The following NFE2L3 variants were observed in gnomAD, a reference collection of about 807,000 sequenced individuals.
The protein encoded by NFE2L3 is NFE2 like bZIP transcription factor 3.
In NFE2L3, 18 loss-of-function variants were observed where a neutral mutation model predicts 23.5. That is an observed-to-expected ratio of 0.77 (90% CI 0.53 to 1.13). The LOEUF (loss-of-function observed/expected upper bound fraction) is 1.13, where lower values mean the gene tolerates loss of function less well. NFE2L3 is among the 50% of genes most tolerant of loss of function. NFE2L3 has a pLI of 0.00. For synonymous variants in NFE2L3, 424 were observed against 354.5 expected (o/e 1.20, Z -2.20); for missense variants, 1,152 against 877.2 (o/e 1.31, Z -3.96).
chr7:26,159,558 A>C (rs959184552), intron 1 of NFE2L3, among the ~76,000 whole-genome samples: 1 of 152,190 alleles, frequency 6.6e-6, no homozygotes, highest in African/African-American at 2.4e-5. Flanking sequence ...AGCACTTATC[A>C]TTCATGACAT....
intron 2 of NFE2L3, among the ~76,000 whole-genome samples, chr7:26,179,320 G>T (rs1448908031): frequency 1.3e-5 from 2 of 151,932 alleles, no homozygotes; most frequent in Non-Finnish European, 2.9e-5. Context: ...GGGCAACATG[G>T]CAAAACCCCA....
At chr7:26,171,594 C>T (rs1784328814) in intron 1 of NFE2L3, among the ~76,000 whole-genome samples, 3 of 151,890 alleles carry the variant, frequency 2.0e-5, no homozygotes, top group African/African-American at 7.3e-5. Flanking sequence ...TGGTAAGAGG[C>T]AAATGAGTAT....
At chr7:26,179,699 C>G (rs188785508) in intron 2 of NFE2L3, among the ~76,000 whole-genome samples, 1 of 152,026 alleles carries the variant, frequency 6.6e-6, no homozygotes, top group Non-Finnish European at 1.5e-5. Context: ...GAGCAGGACC[C>G]TGTCTCAAAA....
chr7:26,160,380 A>G (rs1185002373), intron 1 of NFE2L3, among the ~76,000 whole-genome samples: 1 of 152,210 alleles, frequency 6.6e-6, no homozygotes, highest in Admixed American at 6.5e-5. Flanking sequence ...CAAGTCACAG[A>G]GGCAAGACGT....
chr7:26,183,249 C>T (rs751868908), intron 2 of NFE2L3, among the ~76,000 whole-genome samples: 9 of 151,948 alleles, frequency 5.9e-5, no homozygotes, highest in Non-Finnish European at 1.2e-4. Context: ...ATACTGAGTA[C>T]CATAATCAGA....
chr7:26,184,112 C>CAAT (rs762748448), intron 3 of NFE2L3: 65 of 372,930 alleles, frequency 1.7e-4, no homozygotes, highest in Non-Finnish European at 2.8e-4. Context: ...GCAATATTCA[C>CAAT]AATAGCCTTG....
At chr7:26,155,261 G>A (rs1041240929) in intron 1 of NFE2L3, among the ~76,000 whole-genome samples, 8 of 152,086 alleles carry the variant, frequency 5.3e-5, no homozygotes, top group African/African-American at 1.9e-4. Context: ...TGGGCAACAT[G>A]GTGAACCCCA....
chr7:26,184,846 A>G lies in NFE2L3; in HGVS notation c.1148A>G (p.Asp383Gly), dbSNP rs781466431. Residue 383 changes from aspartate (D) to glycine (G), a missense_variant, in exon 4 of 4, where the codon GAC becomes GGC. By Grantham distance (94) the Asp-to-Gly change is moderately conservative. Coordinates refer to ENST00000056233, the MANE Select transcript of NFE2L3 (RefSeq NM_004289.7). ...CTAACAAGCCAAGACCTACTGTATG[A>G]CCTTGACATAAATATATTTGATGAG... is the stretch of plus-strand genomic sequence containing the variant. ...RNLTSQDLLY[D>G]LDINIFDEIN... 81 of 1,613,852 alleles carry G rather than the reference A, an allele frequency of 5.0e-5. No homozygotes were observed. In the East Asian group the frequency reaches 1.1e-3, roughly 22 times the overall value.
chr7:26,169,850 C>T (rs1173019707), intron 1 of NFE2L3, among the ~76,000 whole-genome samples: 1 of 152,154 alleles, frequency 6.6e-6, no homozygotes, highest in Admixed American at 6.6e-5. Flanking sequence ...GTAATCCCGG[C>T]CCTTTGGGAG....
At chr7:26,176,959 C>T (rs1301911006) in intron 1 of NFE2L3, among the ~76,000 whole-genome samples, 9 of 66,210 alleles carry the variant, frequency 1.4e-4, no homozygotes, top group East Asian at 8.0e-4. Context: ...ACTTCCTAGA[C>T]GGGGTGGCAG....
chr7:26,152,981 G>A lies in NFE2L3; in HGVS notation c.483G>A (p.Arg161=). 6.6e-7 allele frequency: 1 copy of A among 1,512,990 alleles called. No homozygotes were observed. The highest frequency in any genetic ancestry group is 2.7e-5 in the East Asian group (1 of 37,172). The allele number at this position is 1,512,990 out of a possible 1,614,324, so 93.7% of individuals were successfully genotyped here. Residue 161 remains arginine (R), a synonymous_variant, in exon 1 of 4, where the codon CGG becomes CGA. Transcript: ENST00000056233. This position sits in a 1 kb window ranked among gnomAD's most constrained non-coding sequence, Gnocchi z 4.4. ...QGGGGDPRAA[R]SGPLDAGEEE... ...GCGGCGGGGACCCCCGAGCGGCTCG[G>A]AGTGGCCCCTTGGACGCCGGGGAAG...
intron 1 of NFE2L3, among the ~76,000 whole-genome samples, chr7:26,167,422 T>C (rs1784266105): frequency 6.6e-6 from 1 of 152,132 alleles, no homozygotes; most frequent in Non-Finnish European, 1.5e-5. Context: ...GGGCAGGCCT[T>C]TCCAGCAGGT....
At chr7:26,174,154 T>C (rs1784363260) in intron 1 of NFE2L3, 1 of 152,216 alleles carries the variant, frequency 6.6e-6, no homozygotes, top group Non-Finnish European at 1.5e-5. Flanking sequence ...ATCAAGGGGA[T>C]GAAGAATCAG....
At chr7:26,165,261 T>C (rs934324055) in intron 1 of NFE2L3, among the ~76,000 whole-genome samples, 5 of 152,242 alleles carry the variant, frequency 3.3e-5, no homozygotes, top group African/African-American at 1.2e-4. Context: ...TTTCACGATA[T>C]TGATTCTTCC....
chr7:26,152,911 G>T lies in NFE2L3; in HGVS notation c.413G>T (p.Gly138Val). 1 of 1,445,132 alleles carries T rather than the reference G, an allele frequency of 6.9e-7. No homozygotes were observed. Among genetic ancestry groups the T allele is most frequent in the Non-Finnish European group, 9.0e-7 (1 of 1,110,466 alleles). The allele number at this position is 1,445,132 out of a possible 1,614,324, so 89.5% of individuals were successfully genotyped here. A position where few individuals can be genotyped will look rare whatever the true frequency, so the allele number is the denominator to read the frequency against. ...GCCGCCGCCGCCTCGTCCACCGGAG[G>T]AGCCGGCGCCAGCGTGGACGGCGGC... Reference protein sequence around the residue: ...LGAAAASSTGGAGASVDGGSQ... With the variant: ...LGAAAASSTGVAGASVDGGSQ... The change falls in exon 1 of 4, where the codon GGA becomes GTA. Residue 138 changes from glycine to valine, a missense_variant. By Grantham distance (109) the Gly-to-Val change is moderately radical (BLOSUM62 -3). Coordinates refer to ENST00000056233, the MANE Select transcript of NFE2L3 (RefSeq NM_004289.7). The surrounding 1 kb of genome is among the most constrained non-coding windows in gnomAD (Gnocchi z 4.4).
chr7:26,180,061 G>A (rs1424161732), intron 2 of NFE2L3, among the ~76,000 whole-genome samples: 2 of 152,048 alleles, frequency 1.3e-5, no homozygotes, highest in South Asian at 2.1e-4. Context: ...TTTGCTGGCC[G>A]CCTAGCACCT....
At position 26,183,770 on chromosome 7, in the gene NFE2L3, G is replaced by GA. The variant is rs776259771; in HGVS notation, c.824dup (p.Asn275LysfsTer19). 3 of 1,611,966 alleles carry GA rather than the reference G, an allele frequency of 1.9e-6. No homozygotes were observed. On this transcript the variant is annotated frameshift_variant, in exon 3 of 4. Coordinates refer to ENST00000056233, the MANE Select transcript of NFE2L3 (RefSeq NM_004289.7). LOFTEE classifies it low-confidence loss of function (END_TRUNC). ...ATTCCAGTTGCTTTCATCACAGCCT[G>GA]AAAATTCACTGGAGGTAATTGGAAC...
At position 26,184,669 on chromosome 7, in the gene NFE2L3, A is replaced by G. The variant is rs1782433594; in HGVS notation, c.971A>G (p.Asn324Ser). The change falls in exon 4 of 4, where the codon AAC becomes AGC. Residue 324 changes from asparagine to serine, a missense_variant. Physicochemically the swap from Asn to Ser is conservative, Grantham distance 46. Transcript: ENST00000056233. ...CATGAGGCCATCTTGCTTTGTCCCA[A>G]CAATACATTTAGAAGAGATCCAACA... ...NLHEAILLCP[N>S]NTFRRDPTAR... 2.5e-6 allele frequency: 4 copies of G among 1,613,926 alleles called. No individual in the cohort carries two copies. Among genetic ancestry groups the G allele is most frequent in the South Asian group, 1.1e-5 (1 of 91,070 alleles).
rs1182753594 is a variant in NFE2L3, at chr7:26,152,391, G to A, written c.-108G>A. On this transcript the variant is annotated 5_prime_UTR_variant, in exon 1 of 4. Coordinates refer to ENST00000056233, the MANE Select transcript of NFE2L3 (RefSeq NM_004289.7). The surrounding 1 kb of genome is among the most constrained non-coding windows in gnomAD (Gnocchi z 4.4). Reference sequence around the variant, plus strand: ...CCGGTCCATTGTTTCGCTTATCTGGGTTCCAGGCAGGTGCGGGCGGCGCGC... The same window carrying A: ...CCGGTCCATTGTTTCGCTTATCTGGATTCCAGGCAGGTGCGGGCGGCGCGC... The A allele has an allele frequency of 2.6e-6, 2 of 772,642 alleles. No individual in the cohort carries two copies. The highest frequency in any genetic ancestry group is 4.5e-5 in the East Asian group (1 of 22,046). 47.9% of individuals were successfully genotyped at this position (772,642 alleles called of 1,614,324 possible).
Sources: allele counts gnomAD v4.1 joint callset (sites outside exome capture counted in the v4.1 genomes callset), GRCh38; gene constraint gnomAD v4.1.1; non-coding constraint Gnocchi (gnomAD v3.1); transcripts MANE v1.5; gene names NCBI Gene and HGNC (gene_info 2026-07-23, HGNC 2026-07-21).